The following MED12L variants were observed in gnomAD, a reference collection of about 807,000 sequenced individuals.
The protein encoded by MED12L is mediator of RNA polymerase II transcription subunit 12-like protein.
Under a neutral mutation model 281.3 loss-of-function variants are expected in MED12L, and 60 were observed. That is an observed-to-expected ratio of 0.21 (90% CI 0.17 to 0.26). The LOEUF (loss-of-function observed/expected upper bound fraction) is 0.26. Ranked by LOEUF, MED12L falls within the 10% of genes least tolerant of loss-of-function variation. MED12L has a pLI of 1.00. For synonymous variants in MED12L, 974 were observed against 987.2 expected, an observed-to-expected ratio of 0.99 and a Z score of 0.25; for missense variants, 2,146 against 2,680.9, an observed-to-expected ratio of 0.80 and a Z score of 4.41.
At chr3:151,343,020 A>G (rs1460595939) in intron 16 of MED12L, among the ~76,000 whole-genome samples, 2 of 152,014 alleles carry the variant, frequency 1.3e-5, no homozygotes, top group East Asian at 1.9e-4. Context: ...TAGCCTTAGA[A>G]TCTGTATTTG....
chr3:151,379,261 T>TACTCTTCA (rs1711784183), intron 31 of MED12L, among the ~76,000 whole-genome samples: 1 of 152,202 alleles, frequency 6.6e-6, no homozygotes, highest in East Asian at 1.9e-4. Context: ...GCAGGACAGA[T>TACTCTTCA]GGTATTGAAG....
chr3:151,223,974 G>GAAA (rs1235683261), intron 16 of MED12L, among the ~76,000 whole-genome samples: 1 of 152,214 alleles, frequency 6.6e-6, no homozygotes, highest in Non-Finnish European at 1.5e-5. Flanking sequence ...GTTGGACTTT[G>GAAA]CTGTATCTGT....
intron 16 of MED12L, among the ~76,000 whole-genome samples, chr3:151,347,639 C>T (rs1259621670): frequency 6.6e-6 from 1 of 152,002 alleles, no homozygotes; most frequent in Admixed American, 6.6e-5. Context: ...AGGAAGTGCC[C>T]TGGAGTCTTG....
At chr3:151,207,042 A>G (rs945608638) in intron 16 of MED12L, among the ~76,000 whole-genome samples, 2 of 146,302 alleles carry the variant, frequency 1.4e-5, no homozygotes, top group African/African-American at 5.1e-5. Flanking sequence ...TTTCCTAGCC[A>G]TGTGATTTTT....
chr3:151,157,827 A>G (rs747258776), intron 6 of MED12L, among the ~76,000 whole-genome samples: 27 of 152,234 alleles, frequency 1.8e-4, no homozygotes, highest in Non-Finnish European at 4.4e-5. Context: ...GTAAGATTTC[A>G]TATGAACTAC....
chr3:151,162,432 T>A (rs1264022971), intron 8 of MED12L, among the ~76,000 whole-genome samples: 1 of 152,110 alleles, frequency 6.6e-6, no homozygotes, highest in African/African-American at 2.4e-5. Context: ...ATGAATTGAT[T>A]GAGACAGGGT....
intron 28 of MED12L, 131 bp downstream of exon 28, chr3:151,376,345 C>G: frequency 1.4e-6 from 1 of 722,326 alleles, no homozygotes; most frequent in Non-Finnish European, 2.1e-6. Flanking sequence ...CACACATTTT[C>G]TGTGGAATTG....
intron 39 of MED12L, among the ~76,000 whole-genome samples, chr3:151,403,266 C>T (rs915821966): frequency 6.6e-6 from 1 of 152,092 alleles, no homozygotes; most frequent in African/African-American, 2.4e-5. Flanking sequence ...GGTATAGAAA[C>T]CAATAGACAT....
chr3:151,142,734 C>T (rs972417645), intron 5 of MED12L, among the ~76,000 whole-genome samples: 3 of 151,970 alleles, frequency 2.0e-5, no homozygotes, highest in Non-Finnish European at 4.4e-5. Context: ...TCTAAGCTAA[C>T]CTTTTAATGA....
chr3:151,255,901 G>A (rs904170689), intron 16 of MED12L, among the ~76,000 whole-genome samples: 1 of 152,160 alleles, frequency 6.6e-6, no homozygotes, highest in Non-Finnish European at 1.5e-5. Flanking sequence ...AAAGAGTCTA[G>A]TACTACCTGC....
At chr3:151,368,689 T>TTTCATTTC (rs1553798117) in intron 25 of MED12L, among the ~76,000 whole-genome samples, 2 of 42,010 alleles carry the variant, frequency 4.8e-5, no homozygotes, top group Non-Finnish European at 8.7e-5. Context: ...CATTTCATTT[T>TTTCATTTC]ATTTCATTTC....
At chr3:151,203,062 C>T (rs894671648) in intron 16 of MED12L, 2 of 151,990 alleles carry the variant, frequency 1.3e-5, no homozygotes, top group African/African-American at 2.4e-5. Context: ...TTGTTTTCCA[C>T]GGAAAAGCAT....
intron 2 of MED12L, among the ~76,000 whole-genome samples, chr3:151,096,662 G>A (rs1017670276): frequency 2.2e-4 from 33 of 152,150 alleles, no homozygotes; most frequent in African/African-American, 8.0e-4. Context: ...ATTTTGGGGG[G>A]GGAAGCCATG....
chr3:151,232,233 A>T (rs780525375), intron 16 of MED12L, among the ~76,000 whole-genome samples: 1 of 152,202 alleles, frequency 6.6e-6, no homozygotes, highest in Non-Finnish European at 1.5e-5. Flanking sequence ...GTCTTTACTT[A>T]AAACATTGTT....
intron 16 of MED12L, among the ~76,000 whole-genome samples, chr3:151,318,985 G>A (rs1006991503): frequency 2.0e-5 from 3 of 152,086 alleles, no homozygotes; most frequent in Admixed American, 6.6e-5. Flanking sequence ...TGCCCGGGAC[G>A]GTAGCCTAAC....
At chr3:151,171,953 G>A (rs1257049767) in intron 11 of MED12L, among the ~76,000 whole-genome samples, 1 of 152,134 alleles carries the variant, frequency 6.6e-6, no homozygotes, top group African/African-American at 2.4e-5. Flanking sequence ...ATGCTCAGTC[G>A]CATTTATTGA....
chr3:151,395,529 G>A lies in MED12L; in HGVS notation c.5820+662G>A, dbSNP rs149068532. The stretch of plus-strand genomic sequence containing the variant: ...AAACTCATGAAACACCTATGCGTCT[G>A]TACATTAAAATAAAGTGTGAGGTGA... On this transcript the variant is annotated intron_variant, in intron 39 of 44. Coordinates refer to ENST00000687756, the MANE Select transcript of MED12L (RefSeq NM_001393769.1). 5.8e-3 allele frequency among the ~76,000 whole-genome samples: 885 copies of A among 152,298 alleles called. 14 individuals carry two copies. The highest frequency in any genetic ancestry group is 5.6e-3 in the Non-Finnish European group (381 of 68,022).
At chr3:151,281,882 C>T (rs757469621) in intron 16 of MED12L, among the ~76,000 whole-genome samples, 6 of 152,188 alleles carry the variant, frequency 3.9e-5, no homozygotes, top group African/African-American at 1.2e-4. Context: ...GTTTAACACA[C>T]GTAATCCCCA....
intron 16 of MED12L, among the ~76,000 whole-genome samples, chr3:151,289,537 T>C (rs1743977048): frequency 6.6e-6 from 1 of 152,238 alleles, no homozygotes; most frequent in Non-Finnish European, 1.5e-5. Flanking sequence ...GATATTTTGC[T>C]TCAGGCTAGC....
Sources: gnomAD v4.1 joint callset for allele counts (sites outside exome capture counted in the v4.1 genomes callset) on GRCh38, gnomAD v4.1.1 for gene constraint, MANE v1.5 for transcripts, NCBI Gene and HGNC (gene_info 2026-07-23, HGNC 2026-07-21) for gene names.